The following DCC variants were observed in gnomAD, a reference collection of about 807,000 sequenced individuals.
DCC encodes the protein DCC netrin 1 receptor, also known as netrin receptor DCC.
DCC carries 58 observed loss-of-function variants against 172.5 expected under a neutral mutation model. The ratio of observed to expected loss-of-function variants is 0.34; its 90% confidence interval spans 0.27 to 0.42. The LOEUF (loss-of-function observed/expected upper bound fraction) is 0.42, where lower values mean the gene tolerates loss of function less well. Among genes scored for constraint, DCC ranks in the 10% least tolerant of loss-of-function variants. The pLI is 1.00. For synonymous variants in DCC, 709 were observed against 644.5 expected (o/e 1.10, Z -1.52); for missense variants, 1,740 against 1,791.0 (o/e 0.97, Z 0.51).
chr18:53,276,231 T>C (rs912575746), intron 12 of DCC, among the ~76,000 whole-genome samples: 5 of 152,182 alleles, frequency 3.3e-5, no homozygotes, highest in African/African-American at 1.2e-4. Context: ...CAACTGGGGT[T>C]CTTTAATCAA....
In DCC at chr18:53,499,388, C is replaced by A. The variant is rs1264078784; in HGVS notation, c.3989C>A (p.Thr1330Asn). Residue 1330 changes from threonine to asparagine, a missense_variant, in exon 27 of 29, where the codon ACC becomes AAC. Physicochemically the swap from Thr to Asn is moderately conservative, Grantham distance 65. This residue lies in a region of DCC where 1,732 missense variants were observed against 1,767.4 expected (regional missense o/e 0.98). Transcript: ENST00000442544. ...AGCAGCGAGGAGGCACCAAGCAGAA[C>A]CATCCCCACAGCTTGTGTTCGACCA... ...HSSSEEAPSR[T>N]IPTACVRPTH... 1 of 1,614,002 alleles carries A rather than the reference C, an allele frequency of 6.2e-7. No individual in the cohort carries two copies. The highest frequency in any genetic ancestry group is 2.2e-5 in the East Asian group (1 of 44,878).
intron 2 of DCC, among the ~76,000 whole-genome samples, chr18:52,803,069 G>C (rs895288647): frequency 1.3e-5 from 2 of 152,158 alleles, no homozygotes; most frequent in African/African-American, 4.8e-5. Context: ...TGCAGCTGCA[G>C]AGGTCAATCT....
chr18:53,470,685 A>G (rs1477917504), intron 25 of DCC, among the ~76,000 whole-genome samples: 1 of 152,098 alleles, frequency 6.6e-6, no homozygotes, highest in Admixed American at 6.6e-5. Flanking sequence ...CGGAAGGTGA[A>G]GGAAAAGCAA....
At chr18:52,498,483 G>A (rs1192311896) in intron 1 of DCC, among the ~76,000 whole-genome samples, 2 of 151,998 alleles carry the variant, frequency 1.3e-5, no homozygotes. Flanking sequence ...AATTAGCCGT[G>A]CATGGTGGCA....
chr18:52,346,551 A>G (rs958119681), intron 1 of DCC, among the ~76,000 whole-genome samples: 3 of 152,340 alleles, frequency 2.0e-5, no homozygotes, highest in South Asian at 2.1e-4. Context: ...CTTTGTCCCA[A>G]TGGTGTGGTT....
chr18:52,935,021 C>G (rs1170780411), intron 5 of DCC: 1 of 152,132 alleles, frequency 6.6e-6, no homozygotes, highest in Non-Finnish European at 1.5e-5. Flanking sequence ...AAGGTAGATG[C>G]TGTATGCGTT....
intron 25 of DCC, among the ~76,000 whole-genome samples, chr18:53,480,457 C>T (rs1450258183): frequency 6.6e-6 from 1 of 152,200 alleles, no homozygotes; most frequent in African/African-American, 2.4e-5. Context: ...CAGGGTCATA[C>T]TTCCCTCAGG....
chr18:53,470,513 TAGCAGTGCCAC>T (rs1290942665), intron 25 of DCC, among the ~76,000 whole-genome samples: 1 of 152,154 alleles, frequency 6.6e-6, no homozygotes, highest in East Asian at 1.9e-4. Flanking sequence ...ATTATCTTTA[TAGCAGTGCCAC>T]ACTCTTTGTG....
intron 7 of DCC, among the ~76,000 whole-genome samples, chr18:53,122,259 T>C (rs1006956672): frequency 6.6e-6 from 1 of 152,034 alleles, no homozygotes; most frequent in Non-Finnish European, 1.5e-5. Flanking sequence ...TTTACTGTAA[T>C]AGATATAGAA....
intron 12 of DCC, among the ~76,000 whole-genome samples, chr18:53,237,728 A>G (rs1379605141): frequency 1.3e-5 from 2 of 152,222 alleles, no homozygotes; most frequent in African/African-American, 2.4e-5. Context: ...AAATCAAATT[A>G]TAATTCCCAT....
chr18:52,879,441 T>G (rs2039450995), intron 2 of DCC, among the ~76,000 whole-genome samples: 1 of 109,744 alleles, frequency 9.1e-6, no homozygotes, highest in Non-Finnish European at 1.9e-5. Context: ...TTTTTTTTTT[T>G]GAGATGGAGT....
At chr18:52,911,662 C>A (rs1490000828) in intron 3 of DCC, among the ~76,000 whole-genome samples, 1 of 151,816 alleles carries the variant, frequency 6.6e-6, no homozygotes, top group South Asian at 2.1e-4. Flanking sequence ...TAAACATACA[C>A]CCAAAAAACG....
At chr18:53,056,482 G>A (rs189089871) in intron 5 of DCC, among the ~76,000 whole-genome samples, 36 of 152,258 alleles carry the variant, frequency 2.4e-4, no homozygotes, top group Admixed American at 2.3e-3. Context: ...GGTTGCATGT[G>A]AAACAATGGC....
At chr18:52,558,285 T>G (rs1318622459) in intron 1 of DCC, among the ~76,000 whole-genome samples, 1 of 151,756 alleles carries the variant, frequency 6.6e-6, no homozygotes, top group Non-Finnish European at 1.5e-5. Flanking sequence ...GATAATACAT[T>G]TATTACTTGG....
chr18:53,368,720 T>C (rs1444532661), intron 15 of DCC, among the ~76,000 whole-genome samples: 1 of 152,084 alleles, frequency 6.6e-6, no homozygotes, highest in Non-Finnish European at 1.5e-5. Flanking sequence ...TTAAATCGTC[T>C]TGAAATCTTG....
At chr18:53,086,004 C>CTTATTATTATTATTATTA (rs1189833400) in intron 7 of DCC, among the ~76,000 whole-genome samples, 6 of 25,118 alleles carry the variant, frequency 2.4e-4, no homozygotes, top group South Asian at 1.1e-3. Flanking sequence ...TCTCCTTCTT[C>CTTATTATTATTATTATTA]TCCTTCTCCT....
Position 52,879,412 on chromosome 18 carries a change from C to CTTTTTTTTTTTT in DCC, c.413-26614_413-26603dup, listed in dbSNP as rs71175533. On this transcript the variant is annotated intron_variant, in intron 2 of 28. Transcript: ENST00000442544. Reference sequence around the variant, plus strand: ...AATTTCTAGCCCATATGTTGTTTGGCTTTTTTTTTTTTTTTTTTTTTTTTT... The same window carrying CTTTTTTTTTTTT: ...AATTTCTAGCCCATATGTTGTTTGGCTTTTTTTTTTTTTTTTTTTTTTTTTTTTTTTTTTTTT... 6.8e-3 allele frequency among the ~76,000 whole-genome samples: 426 copies of CTTTTTTTTTTTT among 62,262 alleles called. 102 individuals are homozygous for CTTTTTTTTTTTT. Among genetic ancestry groups the CTTTTTTTTTTTT allele is most frequent in the South Asian group, 9.6e-3 (14 of 1,460 alleles). The allele number at this position is 62,262 out of a possible 152,430, so 40.8% of individuals were successfully genotyped here.
intron 1 of DCC, among the ~76,000 whole-genome samples, chr18:52,607,735 G>A (rs1292842220): frequency 1.3e-5 from 2 of 152,074 alleles, no homozygotes; most frequent in Non-Finnish European, 2.9e-5. Flanking sequence ...TTAAAATATT[G>A]CAGGTAGAGT....
chr18:53,124,871 GA>G (rs1195239971), intron 7 of DCC, among the ~76,000 whole-genome samples: 8 of 151,942 alleles, frequency 5.3e-5, no homozygotes, highest in African/African-American at 1.9e-4. Flanking sequence ...TTTGGAGGCT[GA>G]GGCAGGAGAA....
Sources: allele counts gnomAD v4.1 joint callset (sites outside exome capture counted in the v4.1 genomes callset), GRCh38; gene constraint gnomAD v4.1.1; regional missense constraint gnomAD v4.1.1; transcripts MANE v1.5; gene names NCBI Gene and HGNC (gene_info 2026-07-23, HGNC 2026-07-21).